Variants in XPNPEP1 observed in about 807,000 individuals in gnomAD.
XPNPEP1 encodes X-prolyl aminopeptidase 1, also known as xaa-Pro aminopeptidase 1.
A neutral mutation model predicts 92.4 loss-of-function variants in XPNPEP1; 39 were observed. The ratio of observed to expected loss-of-function variants is 0.42; its 90% CI spans 0.33 to 0.55. The LOEUF (loss-of-function observed/expected upper bound fraction) is 0.55. XPNPEP1 is among the 20% of genes least tolerant of loss of function. The pLI is 0.08. For missense variants in XPNPEP1, 654 were observed against 856.1 expected (o/e 0.76, Z 2.95); for synonymous variants, 307 against 299.4 (o/e 1.03, Z -0.26).
intron 2 of XPNPEP1, among the ~76,000 whole-genome samples, chr10:109,912,794 T>G (rs551601080): frequency 1.3e-5 from 2 of 152,364 alleles, no homozygotes; most frequent in East Asian, 3.9e-4. Context: ...ATACCACTTC[T>G]CCGGAAGGCA....
intron 2 of XPNPEP1, among the ~76,000 whole-genome samples, 177 bp downstream of exon 2, chr10:109,914,834 A>T (rs1040313431): frequency 4.0e-5 from 6 of 150,568 alleles, no homozygotes; most frequent in Non-Finnish European, 4.4e-5. Context: ...ATATAGAAAC[A>T]GTAACCAACC....
chr10:109,896,179 C>G (rs1269711810), intron 3 of XPNPEP1, among the ~76,000 whole-genome samples: 1 of 152,192 alleles, frequency 6.6e-6, no homozygotes, highest in Non-Finnish European at 1.5e-5. Flanking sequence ...CAAATATCAC[C>G]TCTACAGAGA....
chr10:109,891,616 G>A, intron 5 of XPNPEP1, 106 bp downstream of exon 5: 1 of 862,302 alleles, frequency 1.2e-6, no homozygotes, highest in Admixed American at 2.8e-5. Context: ...TTCTCAAAAG[G>A]GTCCATGACT....
rs1318692673 is a variant in XPNPEP1, at chr10:109,888,435, TGAG to T, written c.508+65_508+67del. ...CAGTGCTCCACACCCCACAAGCAAA[TGAG>T]GAGAATGGAGGGGAATCTAGAAGCC... On this transcript the variant is annotated intron_variant, in intron 6 of 20. Transcript: ENST00000502935. The T allele has an allele frequency of 2.1e-5, 31 of 1,465,704 alleles. 1 individual carries two copies. The highest frequency in any genetic ancestry group is 2.8e-5 in the African/African-American group (2 of 71,614). The allele number at this position is 1,465,704 out of a possible 1,614,324, so 90.8% of individuals were successfully genotyped here. A position where few individuals can be genotyped will look rare whatever the true frequency, so the allele number is the denominator to read the frequency against.
intron 3 of XPNPEP1, chr10:109,893,449 G>C: frequency 5.7e-6 from 1 of 173,944 alleles, no homozygotes; most frequent in South Asian, 1.6e-4. Flanking sequence ...GAAAAGTAAG[G>C]CTGAATTTCT....
At chr10:109,882,024 C>T (rs890915226) in intron 10 of XPNPEP1, among the ~76,000 whole-genome samples, 19 of 152,190 alleles carry the variant, frequency 1.2e-4, no homozygotes, top group Admixed American at 1.3e-4. Flanking sequence ...TTTACCCTAG[C>T]TTCTTAACTG....
At chr10:109,902,704 G>A (rs1849349733) in intron 3 of XPNPEP1, among the ~76,000 whole-genome samples, 1 of 152,238 alleles carries the variant, frequency 6.6e-6, no homozygotes, top group Non-Finnish European at 1.5e-5. Flanking sequence ...AGTCTGTGAA[G>A]TCTAAACAGT....
At position 109,877,778 on chromosome 10, in the gene XPNPEP1, C is replaced by G. The variant is rs750733651; in HGVS notation, c.1319+12G>C. On this transcript the variant is annotated intron_variant, in intron 14 of 20. Transcript: ENST00000502935. ...AGCAAGGCCAGGCAGCATGCTCCTC[C>G]GCATGCCTTACGCGTAGTGAATGAT... 6.2e-7 allele frequency: 1 copy of G among 1,614,192 alleles called. No individual in the cohort carries two copies. Among genetic ancestry groups the G allele is most frequent in the Non-Finnish European group, 8.5e-7 (1 of 1,180,022 alleles).
At chr10:109,918,810 G>A (rs534788010) in intron 1 of XPNPEP1, among the ~76,000 whole-genome samples, 1 of 143,794 alleles carries the variant, frequency 7.0e-6, no homozygotes, top group Non-Finnish European at 1.5e-5. Context: ...GGAAGGAAAG[G>A]AAAGAAAGGA....
rs567644128 is a variant in XPNPEP1, at chr10:109,866,284, G to T, written c.1873-972C>A. On this transcript the variant is annotated intron_variant, in intron 20 of 20. Transcript: ENST00000502935. ...GGGCACACAAACCCATTAATTACAAGGGACTGAGGGCAGACAGATAGGGTG... is the reference window on the plus strand; with the variant it reads ...GGGCACACAAACCCATTAATTACAATGGACTGAGGGCAGACAGATAGGGTG... Among the ~76,000 whole-genome samples, 5 of 152,298 alleles carry T rather than the reference G, an allele frequency of 3.3e-5. No individual in the cohort carries two copies. In the South Asian group the frequency reaches 8.3e-4, roughly 25 times the overall value.
chr10:109,923,192 A>G lies in XPNPEP1; in HGVS notation c.32+210T>C, dbSNP rs999899696. The G allele has an allele frequency of 9.1e-6, 9 of 984,634 alleles. No homozygotes were observed. In the Admixed American group the frequency reaches 5.6e-4, roughly 61 times the overall value. The allele number at this position is 984,634 out of a possible 1,614,324, so 61.0% of individuals were successfully genotyped here. ...GACTCGGGCCGCCCCGTGCCCACCG[A>G]CCCTCCGGAAACGAACCGGATCTCG... On this transcript the variant is annotated intron_variant, in intron 1 of 20. Coordinates refer to ENST00000502935, the MANE Select transcript of XPNPEP1 (RefSeq NM_020383.4).
chr10:109,882,790 G>T, intron 9 of XPNPEP1, 148 bp from the exon 10 acceptor site: 1 of 843,120 alleles, frequency 1.2e-6, no homozygotes. Flanking sequence ...CCCAAATCCT[G>T]CCCTCCAAGG....
intron 20 of XPNPEP1, among the ~76,000 whole-genome samples, chr10:109,866,727 A>G (rs1389615448): frequency 2.0e-5 from 3 of 152,238 alleles, no homozygotes; most frequent in African/African-American, 7.2e-5. Context: ...AAAACTCCCT[A>G]AAGTGACTCC....
chr10:109,877,457 C>T, intron 14 of XPNPEP1: 1 of 259,578 alleles, frequency 3.9e-6, no homozygotes, highest in Non-Finnish European at 7.3e-6. Context: ...CAGAGCAAGA[C>T]CTTGTCTCCA....
At chr10:109,908,793 T>C (rs1300075203) in intron 2 of XPNPEP1, among the ~76,000 whole-genome samples, 1 of 152,356 alleles carries the variant, frequency 6.6e-6, no homozygotes, top group African/African-American at 2.4e-5. Context: ...CTTTTTAAAT[T>C]TGACTGCTTT....
At position 109,919,497 on chromosome 10, in the gene XPNPEP1, T is replaced by C. The variant is rs971966966; in HGVS notation, c.32+3905A>G. Among the ~76,000 whole-genome samples, 16 of 152,238 alleles carry C rather than the reference T, an allele frequency of 1.1e-4. 1 individual carries two copies. In the South Asian group the frequency reaches 2.9e-3, roughly 28 times the overall value. On this transcript the variant is annotated intron_variant, in intron 1 of 20. Transcript: ENST00000502935. ...ACAGTAACAAGTGCGGGTGAGGGTA[T>C]AGAAAAAATTAGAACCCTCAAACAT...
At position 109,893,003 on chromosome 10, in the gene XPNPEP1, G is replaced by A. The variant is rs750942418; in HGVS notation, c.310+9C>T. The A allele has an allele frequency of 6.2e-7, 1 of 1,613,230 alleles. No individual in the cohort carries two copies. Among genetic ancestry groups the A allele is most frequent in the Non-Finnish European group, 8.5e-7 (1 of 1,179,570 alleles). On this transcript the variant is annotated intron_variant, in intron 4 of 20. Coordinates refer to ENST00000502935, the MANE Select transcript of XPNPEP1 (RefSeq NM_020383.4). ...GTGCAGCAAGAACAGAGAAAAAGTAGTGACTCACCCGCAGAGCCATCGAAT... is the reference window on the plus strand; with the variant it reads ...GTGCAGCAAGAACAGAGAAAAAGTAATGACTCACCCGCAGAGCCATCGAAT...
chr10:109,877,652 T>C lies in XPNPEP1; in HGVS notation c.1319+138A>G. ...GGAGAAAATAAAATCTTAGAAGTCT[T>C]ATTTCCCTTCATTTTACAGTCTCAA... On this transcript the variant is annotated intron_variant, in intron 14 of 20. Coordinates refer to ENST00000502935, the MANE Select transcript of XPNPEP1 (RefSeq NM_020383.4). 3 of 1,103,456 alleles carry C rather than the reference T, an allele frequency of 2.7e-6. No individual in the cohort carries two copies. The East Asian group carries it at 7.2e-5, about 27-fold the overall frequency. The allele number at this position is 1,103,456 out of a possible 1,614,324, so 68.4% of individuals were successfully genotyped here.
chr10:109,870,722 G>A lies in XPNPEP1; in HGVS notation c.1696+9C>T. The A allele has an allele frequency of 2.5e-6, 4 of 1,613,568 alleles. No individual in the cohort carries two copies. Among genetic ancestry groups the A allele is most frequent in the Non-Finnish European group, 2.5e-6 (3 of 1,179,630 alleles). On this transcript the variant is annotated intron_variant, in intron 18 of 20. Transcript: ENST00000502935. ...ATCCACGCATGCCCTCTATGTGAGG[G>A]ACACTTACCATCAGTGACAATCATG... is the stretch of plus-strand genomic sequence containing the variant.
Sources: allele counts gnomAD v4.1 joint callset (sites outside exome capture counted in the v4.1 genomes callset), GRCh38; gene constraint gnomAD v4.1.1; transcripts MANE v1.5; gene names NCBI Gene and HGNC (gene_info 2026-07-23, HGNC 2026-07-21).